The following KCMF1 variants were observed in gnomAD, a reference collection of about 807,000 sequenced individuals.
KCMF1 encodes potassium channel modulatory factor 1.
Under a neutral mutation model 41.1 loss-of-function variants are expected in KCMF1, and 3 were observed. The ratio of observed to expected loss-of-function variants is 0.07; its 90% CI spans 0.03 to 0.19. The LOEUF is 0.19. Among genes scored for constraint, KCMF1 ranks in the 10% least tolerant of loss-of-function variants. The probability of loss-of-function intolerance (pLI) is 1.00; values close to 1 mark genes in which losing one functional copy is unlikely to be tolerated. For synonymous variants in KCMF1, 142 were observed against 164.5 expected, an observed-to-expected ratio of 0.86 and a Z score of 1.04; for missense variants, 286 against 488.9, an observed-to-expected ratio of 0.58 and a Z score of 3.91.
intron 1 of KCMF1, among the ~76,000 whole-genome samples, chr2:84,993,189 A>G (rs1237715528): frequency 4.1e-5 from 6 of 146,452 alleles, no homozygotes; most frequent in Admixed American, 6.8e-5. Context: ...CCTGTGTCAG[A>G]AAAAAAAAAA....
Position 85,012,796 on chromosome 2 carries a change from G to A in KCMF1, c.17-15093G>A, listed in dbSNP as rs146231373. ...TAGGTCCCTTTATTTTAAAATCCGTGAAGAAACTGGAGCAGACATAAAGAA... is the reference window on the plus strand; with the variant it reads ...TAGGTCCCTTTATTTTAAAATCCGTAAAGAAACTGGAGCAGACATAAAGAA... On this transcript the variant is annotated intron_variant, in intron 1 of 6. Coordinates refer to ENST00000409785, the MANE Select transcript of KCMF1 (RefSeq NM_020122.5). 4.6e-5 allele frequency among the ~76,000 whole-genome samples: 7 copies of A among 152,270 alleles called. No individual in the cohort carries two copies. The East Asian group carries it at 1.4e-3, about 29-fold the overall frequency.
chr2:85,023,511 C>T (rs538434649), intron 1 of KCMF1, among the ~76,000 whole-genome samples: 290 of 151,830 alleles, frequency 1.9e-3, no homozygotes, highest in Non-Finnish European at 2.3e-3. Context: ...TTAGTAGAGA[C>T]GGGGTTTCAC....
At chr2:85,014,510 T>C (rs1674719355) in intron 1 of KCMF1, among the ~76,000 whole-genome samples, 1 of 152,048 alleles carries the variant, frequency 6.6e-6, no homozygotes, top group Non-Finnish European at 1.5e-5. Context: ...ACTAGGTCTT[T>C]AGCAGATTAA....
intron 1 of KCMF1, among the ~76,000 whole-genome samples, chr2:84,988,579 G>A (rs1673960244): frequency 6.6e-6 from 1 of 152,148 alleles, no homozygotes; most frequent in Non-Finnish European, 1.5e-5. Context: ...TTTTAGACTG[G>A]TTCCTACAGC....
At chr2:84,995,232 G>A (rs540743045) in intron 1 of KCMF1, among the ~76,000 whole-genome samples, 11 of 152,014 alleles carry the variant, frequency 7.2e-5, no homozygotes, top group African/African-American at 1.9e-4. Flanking sequence ...ATGTTGGTCA[G>A]GCTTGTCTGG....
At chr2:85,004,374 G>A (rs1285209723) in intron 1 of KCMF1, among the ~76,000 whole-genome samples, 1 of 152,086 alleles carries the variant, frequency 6.6e-6, no homozygotes, top group African/African-American at 2.4e-5. Context: ...AGGCAGGCAT[G>A]GTGGCGGGCA....
chr2:85,004,077 C>A (rs746757129), intron 1 of KCMF1, among the ~76,000 whole-genome samples: 7 of 152,284 alleles, frequency 4.6e-5, no homozygotes, highest in African/African-American at 1.7e-4. Flanking sequence ...GGATGATTCA[C>A]CTCCGAGTGG....
chr2:85,028,692 T>C (rs1331095724), intron 2 of KCMF1, among the ~76,000 whole-genome samples: 4 of 151,862 alleles, frequency 2.6e-5, no homozygotes, highest in Non-Finnish European at 4.4e-5. Flanking sequence ...GGTTTCACCA[T>C]GTTAACCAGG....
At chr2:85,049,697 C>T in intron 6 of KCMF1, 49 bp downstream of exon 6, 1 of 1,408,224 alleles carries the variant, frequency 7.1e-7, no homozygotes, top group South Asian at 1.2e-5. Context: ...TATTTTATTG[C>T]CACTACAGTC....
At chr2:84,972,039 C>G (rs962639517) in intron 1 of KCMF1, 1 of 152,148 alleles carries the variant, frequency 6.6e-6, no homozygotes, top group African/African-American at 2.4e-5. Context: ...CCCTCGCCGC[C>G]TGGAGCCCGC....
intron 1 of KCMF1, among the ~76,000 whole-genome samples, chr2:84,971,700 C>T (rs2103952888): frequency 6.6e-6 from 1 of 150,808 alleles, no homozygotes; most frequent in South Asian, 2.1e-4. Context: ...GCCCGGGCGG[C>T]CGGAGGGTTT....
chr2:85,041,761 CTTT>C (rs76025789), intron 3 of KCMF1, among the ~76,000 whole-genome samples: 8 of 91,948 alleles, frequency 8.7e-5, no homozygotes, highest in Non-Finnish European at 1.1e-4. Flanking sequence ...CATTGCTGGT[CTTT>C]TTTTTTTTTT....
At chr2:84,997,097 A>G (rs1674195049) in intron 1 of KCMF1, among the ~76,000 whole-genome samples, 1 of 152,202 alleles carries the variant, frequency 6.6e-6, no homozygotes, top group South Asian at 2.1e-4. Context: ...GTGGCTATGC[A>G]GTCTATTGTT....
chr2:85,022,003 G>GAAAC (rs778901716), intron 1 of KCMF1, among the ~76,000 whole-genome samples: 9 of 151,922 alleles, frequency 5.9e-5, no homozygotes, highest in Non-Finnish European at 1.0e-4. Context: ...TTTTAGTAGA[G>GAAAC]ATGGGGTTTC....
At chr2:84,975,560 C>T (rs192596924) in intron 1 of KCMF1, among the ~76,000 whole-genome samples, 27 of 152,218 alleles carry the variant, frequency 1.8e-4, no homozygotes, top group Non-Finnish European at 2.6e-4. Context: ...CCTGCTTGCC[C>T]GTTAATACTT....
In KCMF1 at chr2:85,004,729, G is replaced by A. The variant is rs1003526419; in HGVS notation, c.17-23160G>A. Among the ~76,000 whole-genome samples, 4 of 152,114 alleles carry A rather than the reference G, an allele frequency of 2.6e-5. No homozygotes were observed. In the South Asian group the frequency reaches 6.2e-4, roughly 24 times the overall value. On this transcript the variant is annotated intron_variant, in intron 1 of 6. Coordinates refer to ENST00000409785, the MANE Select transcript of KCMF1 (RefSeq NM_020122.5). ...TTGTTTGCTTACCCTTTATATTACC[G>A]GTCATGCCTCAGTCTTCTATCTTGA...
At chr2:85,039,756 C>G (rs573596175) in intron 3 of KCMF1, among the ~76,000 whole-genome samples, 1 of 151,978 alleles carries the variant, frequency 6.6e-6, no homozygotes, top group Admixed American at 6.6e-5. Context: ...AGAGGAAACT[C>G]GAGCAACAGC....
Position 85,057,784 on chromosome 2 carries a change from G to A in KCMF1, c.*4375G>A, listed in dbSNP as rs1675969923. 6.6e-6 allele frequency: 1 copy of A among 152,136 alleles called. No individual in the cohort carries two copies. Among genetic ancestry groups the A allele is most frequent in the South Asian group, 2.1e-4 (1 of 4,820 alleles). 9.4% of individuals were successfully genotyped at this position (152,136 alleles called of 1,614,324 possible). A position where few individuals can be genotyped will look rare whatever the true frequency, so the allele number is the denominator to read the frequency against. ...AATAAAATGTGACTTGATGTTTGTT[G>A]CCACTTCCTCAACTTGGTTAGCAAA... On this transcript the variant is annotated 3_prime_UTR_variant, in exon 7 of 7. Transcript: ENST00000409785.
intron 2 of KCMF1, among the ~76,000 whole-genome samples, chr2:85,032,998 G>C (rs902907603): frequency 1.3e-5 from 2 of 152,142 alleles, no homozygotes; most frequent in African/African-American, 4.8e-5. Flanking sequence ...TCTGATCTTA[G>C]GGGAAAGCAT....
Sources: allele counts gnomAD v4.1 joint callset (sites outside exome capture counted in the v4.1 genomes callset), GRCh38; gene constraint gnomAD v4.1.1; transcripts MANE v1.5; gene names NCBI Gene and HGNC (gene_info 2026-07-23, HGNC 2026-07-21).